Variants in USP45 observed in about 807,000 individuals in gnomAD.
The protein encoded by USP45 is ubiquitin specific peptidase 45, also known as ubiquitin carboxyl-terminal hydrolase 45.
USP45 carries 89 observed loss-of-function variants against 95.8 expected under a neutral mutation model. That is an observed-to-expected ratio of 0.93 (90% CI 0.78 to 1.11). USP45 has a LOEUF of 1.11. USP45 is among the 50% of genes least tolerant of loss of function. USP45 has a pLI of 0.00. For missense variants in USP45, 898 were observed against 942.5 expected (o/e 0.95, Z 0.62); for synonymous variants, 281 against 316.2 (o/e 0.89, Z 1.18).
chr6:99,465,483 G>A (rs1197300061), intron 11 of USP45, among the ~76,000 whole-genome samples: 2 of 151,986 alleles, frequency 1.3e-5, no homozygotes, highest in Non-Finnish European at 2.9e-5. Context: ...ACTATGAAAT[G>A]TTAAGAAAAA....
In USP45 at chr6:99,446,021, G is replaced by C. The variant is rs891436891; in HGVS notation, c.1751C>G (p.Ser584Ter). ...FDRENQPLNI[S>*]NNLCFLEGKH... ...CCCCTCTAAAAAACATAAATTATTT[G>C]AAATATTTAGTGGCTGATTTTCTCT... Residue 584 changes from serine (S) to a stop codon, truncating the protein, a stop_gained, in exon 14 of 18, where the codon TCA becomes TGA. Coordinates refer to ENST00000500704, the MANE Select transcript of USP45 (RefSeq NM_001346022.3). LOFTEE classifies it high-confidence loss of function. The C allele has an allele frequency of 6.2e-7, 1 of 1,613,866 alleles. No homozygotes were observed. The highest frequency in any genetic ancestry group is 8.5e-7 in the Non-Finnish European group (1 of 1,180,004).
rs1780709174 is a variant in USP45 at position 99,437,404 on chromosome 6, T to C, written c.2161-5A>G. Reference sequence around the variant, plus strand: ...TTTATCTCCCACACTTGCATTCTTTTAAACAAAGAAAAAAACCCAAATTAG... The same window carrying C: ...TTTATCTCCCACACTTGCATTCTTTCAAACAAAGAAAAAAACCCAAATTAG... On this transcript the variant is annotated splice_region_variant and splice_polypyrimidine_tract_variant and intron_variant, in intron 16 of 17. Transcript: ENST00000500704. 1 of 1,575,612 alleles carries C rather than the reference T, an allele frequency of 6.3e-7. No homozygotes were observed. The highest frequency in any genetic ancestry group is 1.4e-5 in the African/African-American group (1 of 72,388).
intron 5 of USP45, among the ~76,000 whole-genome samples, chr6:99,492,800 A>G (rs1475913302): frequency 2.6e-5 from 4 of 152,108 alleles, no homozygotes; most frequent in African/African-American, 9.7e-5. Context: ...CCAGAATAAC[A>G]TTTCTAAGAG....
rs1237515128 is a variant in USP45 at position 99,488,843 on chromosome 6, C to A, written c.479-23G>T. 2.6e-6 allele frequency: 4 copies of A among 1,533,852 alleles called. No homozygotes were observed. In the South Asian group the frequency reaches 5.2e-5, roughly 20 times the overall value. On this transcript the variant is annotated intron_variant, in intron 5 of 17. Coordinates refer to ENST00000500704, the MANE Select transcript of USP45 (RefSeq NM_001346022.3). ...CACCTACAAGTTAGAGAAAAAATAACTGACACAAGATGTAAAGATAAATAT... is the reference window on the plus strand; with the variant it reads ...CACCTACAAGTTAGAGAAAAAATAAATGACACAAGATGTAAAGATAAATAT...
At chr6:99,494,879 G>A (rs1315676570) in intron 5 of USP45, among the ~76,000 whole-genome samples, 1 of 152,168 alleles carries the variant, frequency 6.6e-6, no homozygotes. Context: ...AGGTGACAGA[G>A]TGAGACTGTT....
chr6:99,437,115 T>TCAATCAATC (rs1780634809), intron 17 of USP45, 131 bp downstream of exon 17: 2 of 982,572 alleles, frequency 2.0e-6, no homozygotes, highest in Middle Eastern at 3.3e-4. Flanking sequence ...AATCAATCAA[T>TCAATCAATC]CAATTAAGTT....
rs1172245874 is a variant in USP45 at position 99,476,213 on chromosome 6, T to C, written c.863A>G (p.Asp288Gly). Residue 288 changes from aspartate (D) to glycine (G), a missense_variant, in exon 9 of 18, where the codon GAT (aspartate) becomes GGT (glycine). Asp to Gly is a moderately conservative substitution (Grantham distance 94). Transcript: ENST00000500704. Reference sequence around the variant, plus strand: ...CTCCTGACTGTCCTGTTGCTGGAAATCTTTAAATCGAGGTGCCCTGTGATT... The same window carrying C: ...CTCCTGACTGTCCTGTTGCTGGAAACCTTTAAATCGAGGTGCCCTGTGATT... Reference protein sequence around the residue: ...QLCQKAPRFKDFQQQDSQELL... With the variant: ...QLCQKAPRFKGFQQQDSQELL... 1.2e-6 allele frequency: 2 copies of C among 1,614,008 alleles called. No homozygotes were observed. Among genetic ancestry groups the C allele is most frequent in the Admixed American group, 3.3e-5 (2 of 60,004 alleles).
intron 9 of USP45, among the ~76,000 whole-genome samples, chr6:99,470,077 T>C (rs576651459): frequency 5.2e-4 from 79 of 152,082 alleles, no homozygotes; most frequent in Non-Finnish European, 9.6e-4. Context: ...CCCAGGAGCA[T>C]GGTTAGGAGG....
rs186514021 is a variant in USP45, at chr6:99,496,304, T to A, written c.478+7461A>T. 2.6e-4 allele frequency among the ~76,000 whole-genome samples: 39 copies of A among 152,164 alleles called. 1 individual carries two copies. Among genetic ancestry groups the A allele is most frequent in the Middle Eastern group, 3.4e-3 (1 of 294 alleles). On this transcript the variant is annotated intron_variant, in intron 5 of 17. Transcript: ENST00000500704. ...GCCCAGCATGTATCACCTTTTTTTT[T>A]AAAGTATTAAATAGTAATCAAATTG...
At chr6:99,468,108 T>C in intron 10 of USP45, 1 of 455,708 alleles carries the variant, frequency 2.2e-6, no homozygotes, top group Non-Finnish European at 4.4e-6. Context: ...ACCAGCACTC[T>C]CTTCAATAAA....
intron 8 of USP45, among the ~76,000 whole-genome samples, chr6:99,477,163 T>G (rs931645532): frequency 1.1e-4 from 17 of 152,242 alleles, no homozygotes; most frequent in African/African-American, 4.1e-4. Flanking sequence ...TCATGTGATA[T>G]ACAAAACAGC....
At chr6:99,503,625 C>A in intron 5 of USP45, 140 bp downstream of exon 5, 1 of 585,388 alleles carries the variant, frequency 1.7e-6, no homozygotes, top group Admixed American at 3.8e-5. Flanking sequence ...CCACTGCACC[C>A]AGCCGATACT....
intron 13 of USP45, among the ~76,000 whole-genome samples, chr6:99,452,822 A>G (rs1343299561): frequency 6.6e-6 from 1 of 152,198 alleles, no homozygotes; most frequent in Non-Finnish European, 1.5e-5. Context: ...TGTGGCACAT[A>G]TACACCATGG....
At chr6:99,447,501 A>G (rs1168379740) in intron 13 of USP45, among the ~76,000 whole-genome samples, 1 of 152,170 alleles carries the variant, frequency 6.6e-6, no homozygotes, top group East Asian at 1.9e-4. Flanking sequence ...AAACTTTCCT[A>G]TTATACATAT....
chr6:99,458,861 A>G (rs1302227348), intron 13 of USP45, among the ~76,000 whole-genome samples: 3 of 152,260 alleles, frequency 2.0e-5, no homozygotes, highest in African/African-American at 4.8e-5. Flanking sequence ...GACAAAGAAC[A>G]AGAAATTAGG....
At position 99,437,421 on chromosome 6, in the gene USP45, C is replaced by G. The variant is rs1224174207; in HGVS notation, c.2161-22G>C. ...CATTCTTTTAAACAAAGAAAAAAAC[C>G]CAAATTAGTAATATTTGTTAAATAC... On this transcript the variant is annotated intron_variant, in intron 16 of 17. Coordinates refer to ENST00000500704, the MANE Select transcript of USP45 (RefSeq NM_001346022.3). 2.6e-6 allele frequency: 4 copies of G among 1,563,562 alleles called. No individual in the cohort carries two copies. The Admixed American group carries it at 8.6e-5, about 34-fold the overall frequency.
chr6:99,469,456 AATT>A lies in USP45; in HGVS notation c.934-841_934-839del, dbSNP rs1259120808. 3.6e-3 allele frequency among the ~76,000 whole-genome samples: 509 copies of A among 141,170 alleles called. 5 individuals carry two copies. Among genetic ancestry groups the A allele is most frequent in the Non-Finnish European group, 4.5e-3 (295 of 66,058 alleles). 92.6% of individuals were successfully genotyped at this position (141,170 alleles called of 152,430 possible). A position where few individuals can be genotyped will look rare whatever the true frequency, so the allele number is the denominator to read the frequency against. ...TTATCTTTCCAAAAAATATATATAT[AATT>A]AATATATATATAATATATATATATA... On this transcript the variant is annotated intron_variant, in intron 9 of 17. Coordinates refer to ENST00000500704, the MANE Select transcript of USP45 (RefSeq NM_001346022.3).
intron 1 of USP45, among the ~76,000 whole-genome samples, chr6:99,514,172 G>C (rs969256465): frequency 3.9e-5 from 6 of 152,132 alleles, no homozygotes; most frequent in Admixed American, 3.3e-4. Flanking sequence ...ATGCAGTATG[G>C]ATATAAAGGC....
chr6:99,471,558 TA>T (rs1473011097), intron 9 of USP45, among the ~76,000 whole-genome samples: 1 of 152,144 alleles, frequency 6.6e-6, no homozygotes, highest in Admixed American at 6.5e-5. Context: ...ATGTATAAAT[TA>T]AAAAGACTGC....
Sources: gnomAD v4.1 joint callset for allele counts (sites outside exome capture counted in the v4.1 genomes callset) on GRCh38, gnomAD v4.1.1 for gene constraint, MANE v1.5 for transcripts, NCBI Gene and HGNC (gene_info 2026-07-23, HGNC 2026-07-21) for gene names.